Variants in DENND4A observed in about 807,000 individuals in gnomAD.
The protein encoded by DENND4A is C-myc promoter-binding protein.
Under a neutral mutation model 199.3 loss-of-function variants are expected in DENND4A, and 70 were observed. The ratio of observed to expected loss-of-function variants is 0.35; its 90% CI spans 0.29 to 0.43. DENND4A has a LOEUF of 0.43. DENND4A is among the 20% of genes least tolerant of loss of function. The probability of loss-of-function intolerance (pLI) is 1.00; values close to 1 mark genes in which losing one functional copy is unlikely to be tolerated. For synonymous variants in DENND4A, 686 were observed against 766.9 expected, an observed-to-expected ratio of 0.89 and a Z score of 1.74; for missense variants, 1,723 against 2,255.8, an observed-to-expected ratio of 0.76 and a Z score of 4.78.
intron 23 of DENND4A, among the ~76,000 whole-genome samples, chr15:65,678,852 G>A (rs985748434): frequency 6.6e-6 from 1 of 151,932 alleles, no homozygotes; most frequent in African/African-American, 2.4e-5. Context: ...ACCATGACTG[G>A]CTAATTTTTT....
At chr15:65,718,061 T>C in intron 12 of DENND4A, 65 bp from the exon 13 acceptor site, 4 of 1,238,466 alleles carry the variant, frequency 3.2e-6, no homozygotes, top group Non-Finnish European at 4.4e-6. Flanking sequence ...GGTACCAATA[T>C]AATTTTGTTG....
At chr15:65,675,411 AG>A (rs1490257043) in intron 24 of DENND4A, among the ~76,000 whole-genome samples, 1 of 152,182 alleles carries the variant, frequency 6.6e-6, no homozygotes, top group Non-Finnish European at 1.5e-5. Context: ...AGAAGCAATA[AG>A]GGGAAAGACT....
At chr15:65,790,605 T>TGAG (rs1426700837) in intron 1 of DENND4A, among the ~76,000 whole-genome samples, 1 of 152,194 alleles carries the variant, frequency 6.6e-6, no homozygotes. Flanking sequence ...GGACTCCTAC[T>TGAG]GAGAGCTGTG....
chr15:65,696,214 G>C (rs2077138894), intron 22 of DENND4A, 152 bp downstream of exon 22: 1 of 880,304 alleles, frequency 1.1e-6, no homozygotes, highest in African/African-American at 1.7e-5. Context: ...ATAAAATATA[G>C]AACTCAAGTT....
At chr15:65,664,937 T>C (rs770686085) in intron 30 of DENND4A, 52 of 494,640 alleles carry the variant, frequency 1.1e-4, no homozygotes, top group Non-Finnish European at 1.8e-4. Flanking sequence ...AAATAGACAA[T>C]AACTAAGAAT....
intron 20 of DENND4A, among the ~76,000 whole-genome samples, chr15:65,699,365 T>C (rs1281970466): frequency 6.6e-6 from 1 of 152,010 alleles, no homozygotes; most frequent in Non-Finnish European, 1.5e-5. Context: ...ATGTGTAATT[T>C]TTGAAATGTA....
chr15:65,687,067 A>C (rs1419458575), intron 23 of DENND4A, among the ~76,000 whole-genome samples: 1 of 152,064 alleles, frequency 6.6e-6, no homozygotes, highest in Non-Finnish European at 1.5e-5. Context: ...GGTTAGATCT[A>C]GTCTATTTCT....
intron 4 of DENND4A, among the ~76,000 whole-genome samples, chr15:65,750,153 A>G (rs1214696527): frequency 1.3e-5 from 2 of 152,200 alleles, no homozygotes; most frequent in Non-Finnish European, 2.9e-5. Flanking sequence ...ATACAATCAT[A>G]AAAAAAGAAT....
chr15:65,749,006 AC>A (rs1310978038), intron 4 of DENND4A, among the ~76,000 whole-genome samples: 1 of 151,772 alleles, frequency 6.6e-6, no homozygotes, highest in African/African-American at 2.4e-5. Context: ...AAAAAAAAAA[AC>A]AAAAAGAAAA....
Position 65,696,441 on chromosome 15 carries a change from G to C in DENND4A, c.3007C>G (p.Gln1003Glu). ...AGGCGAACGATACTGGAAGAATTTT[G>C]ATAACTGAGCTTAGGAAGGCAATCA... is the stretch of plus-strand genomic sequence containing the variant. ...SADCLPKLSY[Q>E]NSSSIVRLTG... is the part of the protein sequence containing the mutation. The change falls in exon 22 of 33, where the codon CAA becomes GAA. Residue 1003 changes from glutamine (Q) to glutamate (E), a missense_variant. Physicochemically the swap from Gln to Glu is conservative, Grantham distance 29 (BLOSUM62 2). This residue lies in a region of DENND4A where 650 missense variants were observed against 738.1 expected (regional missense o/e 0.88). Transcript: ENST00000443035. 1 of 1,612,744 alleles carries C rather than the reference G, an allele frequency of 6.2e-7. No homozygotes were observed. The highest frequency in any genetic ancestry group is 1.7e-4 in the Middle Eastern group (1 of 6,054).
intron 12 of DENND4A, among the ~76,000 whole-genome samples, chr15:65,719,988 T>A (rs545449920): frequency 6.6e-6 from 1 of 152,104 alleles, no homozygotes; most frequent in Non-Finnish European, 1.5e-5. Context: ...GTAAGTATAA[T>A]CTTCAAAGAT....
At chr15:65,681,172 C>T (rs2076560861) in intron 23 of DENND4A, 2 of 152,194 alleles carry the variant, frequency 1.3e-5, no homozygotes, top group South Asian at 2.1e-4. Context: ...CTCAAGGCTC[C>T]ACTTCTAATT....
intron 1 of DENND4A, chr15:65,771,899 T>TG: frequency 6.2e-7 from 1 of 1,611,808 alleles, no homozygotes; most frequent in Non-Finnish European, 8.5e-7. Flanking sequence ...GCATGGTTTT[T>TG]GTCTGGATGA....
chr15:65,737,639 T>G (rs2076152204), intron 7 of DENND4A, 68 bp downstream of exon 7: 1 of 1,470,462 alleles, frequency 6.8e-7, no homozygotes. Context: ...ATTTACCCAG[T>G]TGCCGACACA....
At chr15:65,731,727 T>G (rs780916886) in intron 8 of DENND4A, 27 bp from the exon 9 acceptor site, 2 of 1,494,938 alleles carry the variant, frequency 1.3e-6, no homozygotes, top group South Asian at 1.3e-5. Flanking sequence ...AATAAAGAAT[T>G]TGAAACATAA....
rs763905043 is a variant in DENND4A, at chr15:65,756,098, T to C, written c.311+42A>G. ...TAATCTCCAAATCTACAAGGCATAT[T>C]ATTTGGATCAATAACAGTAAGTCGT... is the stretch of plus-strand genomic sequence containing the variant. On this transcript the variant is annotated intron_variant, in intron 3 of 32. Transcript: ENST00000443035. 11 of 1,481,318 alleles carry C rather than the reference T, an allele frequency of 7.4e-6. No individual in the cohort carries two copies. In the African/African-American group the frequency reaches 1.4e-4, roughly 19 times the overall value. 91.8% of individuals were successfully genotyped at this position (1,481,318 alleles called of 1,614,324 possible). A position where few individuals can be genotyped will look rare whatever the true frequency, so the allele number is the denominator to read the frequency against.
At chr15:65,717,593 A>G (rs972474481) in intron 13 of DENND4A, among the ~76,000 whole-genome samples, 185 bp downstream of exon 13, 2 of 152,152 alleles carry the variant, frequency 1.3e-5, no homozygotes, top group African/African-American at 4.8e-5. Context: ...TAATGGGATT[A>G]TATCTAATAT....
At chr15:65,746,350 A>AACAATTCT (rs1281656102) in intron 4 of DENND4A, among the ~76,000 whole-genome samples, 1 of 135,412 alleles carries the variant, frequency 7.4e-6, no homozygotes, top group African/African-American at 2.8e-5. Context: ...TTCCCTTGTT[A>AACAATTCT]ACAATTCTAC....
chr15:65,676,790 A>G (rs2076395590), intron 23 of DENND4A, among the ~76,000 whole-genome samples, 156 bp from the exon 24 acceptor site: 1 of 152,256 alleles, frequency 6.6e-6, no homozygotes, highest in Admixed American at 6.5e-5. Context: ...GCAATTTTAC[A>G]AAGGCATGCT....
Sources: allele counts gnomAD v4.1 joint callset (sites outside exome capture counted in the v4.1 genomes callset), GRCh38; gene constraint gnomAD v4.1.1; regional missense constraint gnomAD v4.1.1; transcripts MANE v1.5; gene names NCBI Gene and HGNC (gene_info 2026-07-23, HGNC 2026-07-21).